The following MYZAP variants were observed in gnomAD, a reference collection of about 807,000 sequenced individuals.
MYZAP encodes GRINL1A complex locus upstream.
In MYZAP, 66 loss-of-function variants were observed where a neutral mutation model predicts 69.4. The observed-to-expected ratio is 0.95, with a 90% CI of 0.78 to 1.17. MYZAP has a LOEUF of 1.17. Ranked by LOEUF, MYZAP falls within the 50% of genes most tolerant of loss-of-function variation. MYZAP has a pLI of 0.00. For missense variants in MYZAP, 611 were observed against 556.2 expected (o/e 1.10, Z -0.99); for synonymous variants, 256 against 205.9 (o/e 1.24, Z -2.09).
intron 10 of MYZAP, among the ~76,000 whole-genome samples, chr15:57,642,075 C>T (rs1235570505): frequency 1.3e-5 from 2 of 152,182 alleles, no homozygotes; most frequent in African/African-American, 4.8e-5. Flanking sequence ...ACAAAGAAAA[C>T]ATTTCTAATA....
Position 57,640,772 on chromosome 15 carries a change from A to G in MYZAP, c.1119+1227A>G, listed in dbSNP as rs140580427. On this transcript the variant is annotated intron_variant, in intron 10 of 12. Coordinates refer to ENST00000267853, the MANE Select transcript of MYZAP (RefSeq NM_001018100.5). Reference sequence around the variant, plus strand: ...AAGTGCAGTTATACTGTGTTGAATCATGTACATCTTATATTGGTTCACACA... The same window carrying G: ...AAGTGCAGTTATACTGTGTTGAATCGTGTACATCTTATATTGGTTCACACA... 3.9e-4 allele frequency among the ~76,000 whole-genome samples: 60 copies of G among 152,324 alleles called. 3 individuals carry two copies. In the East Asian group the frequency reaches 6.7e-3, roughly 17 times the overall value.
chr15:57,632,316 C>T (rs2036552425), intron 6 of MYZAP, 118 bp from the exon 7 acceptor site: 4 of 1,509,402 alleles, frequency 2.7e-6, no homozygotes, highest in Non-Finnish European at 3.6e-6. Flanking sequence ...CTCTCTGCTG[C>T]AGAACCCAGT....
intron 2 of MYZAP, among the ~76,000 whole-genome samples, chr15:57,604,654 G>A (rs2034632192): frequency 6.6e-6 from 1 of 152,208 alleles, no homozygotes; most frequent in Non-Finnish European, 1.5e-5. Context: ...GGGAACGTGG[G>A]TTTTCCTGAA....
At chr15:57,637,029 C>T (rs1165144449) in intron 8 of MYZAP, among the ~76,000 whole-genome samples, 2 of 152,220 alleles carry the variant, frequency 1.3e-5, no homozygotes, top group Non-Finnish European at 2.9e-5. Context: ...CCCCCTCCTG[C>T]AGCTTCAGAG....
chr15:57,596,010 T>C (rs1230317537), intron 1 of MYZAP, among the ~76,000 whole-genome samples: 1 of 152,184 alleles, frequency 6.6e-6, no homozygotes, highest in Non-Finnish European at 1.5e-5. Context: ...TCAAAAATGA[T>C]GGTTGTAGGC....
Position 57,652,705 on chromosome 15 carries a change from A to C in MYZAP, c.1120-8745A>C, listed in dbSNP as rs549455659. 2.6e-5 allele frequency among the ~76,000 whole-genome samples: 4 copies of C among 152,310 alleles called. No individual in the cohort carries two copies. The South Asian group carries it at 8.3e-4, about 32-fold the overall frequency. On this transcript the variant is annotated intron_variant, in intron 10 of 12. Coordinates refer to ENST00000267853, the MANE Select transcript of MYZAP (RefSeq NM_001018100.5). ...GACACAGCACTGTCAGGAAAAGAGCAGGCAGAGGGAGACGACGGCTGAAGC... is the reference window on the plus strand; with the variant it reads ...GACACAGCACTGTCAGGAAAAGAGCCGGCAGAGGGAGACGACGGCTGAAGC...
chr15:57,599,793 C>T (rs1336467322), intron 1 of MYZAP: 11 of 997,988 alleles, frequency 1.1e-5, no homozygotes, highest in African/African-American at 8.3e-5. Context: ...AGACTGTACT[C>T]GGACAACTTT....
At chr15:57,668,215 C>T (rs1292341063) in intron 11 of MYZAP, among the ~76,000 whole-genome samples, 2 of 152,078 alleles carry the variant, frequency 1.3e-5, no homozygotes, top group South Asian at 2.1e-4. Context: ...GTTTCCAGCT[C>T]TGGGCTATTG....
At chr15:57,599,810 G>T in intron 1 of MYZAP, 2 of 778,930 alleles carry the variant, frequency 2.6e-6, no homozygotes, top group Admixed American at 2.3e-5. Context: ...CTTTATGGGT[G>T]GTTCAGGGGT....
rs539136176 is a variant in MYZAP at position 57,608,045 on chromosome 15, C to G, written c.162+3690C>G. 5.9e-5 allele frequency among the ~76,000 whole-genome samples: 9 copies of G among 152,362 alleles called. No homozygotes were observed. In the East Asian group the frequency reaches 7.7e-4, roughly 13 times the overall value. On this transcript the variant is annotated intron_variant, in intron 2 of 12. Transcript: ENST00000267853. ...TTTGGTTCCTTTGAAGGGGCTTCTTCTGTGTGCAAAGGCCAGGGGATTGGA... is the reference window on the plus strand; with the variant it reads ...TTTGGTTCCTTTGAAGGGGCTTCTTGTGTGTGCAAAGGCCAGGGGATTGGA...
At chr15:57,638,901 A>C (rs2036969250) in intron 9 of MYZAP, among the ~76,000 whole-genome samples, 1 of 152,218 alleles carries the variant, frequency 6.6e-6, no homozygotes, top group African/African-American at 2.4e-5. Flanking sequence ...CAATATGTTA[A>C]TAACCCCAAA....
intron 1 of MYZAP, among the ~76,000 whole-genome samples, chr15:57,592,584 C>A (rs551416830): frequency 2.0e-5 from 3 of 152,156 alleles, no homozygotes; most frequent in Non-Finnish European, 4.4e-5. Flanking sequence ...GTGGGCAAAC[C>A]AGAACAGCAG....
At chr15:57,667,504 A>G (rs1216283229) in intron 11 of MYZAP, among the ~76,000 whole-genome samples, 1 of 152,178 alleles carries the variant, frequency 6.6e-6, no homozygotes, top group Non-Finnish European at 1.5e-5. Context: ...CCCAGAAGCA[A>G]TCTTTTTTGT....
intron 2 of MYZAP, among the ~76,000 whole-genome samples, chr15:57,612,035 A>G (rs1299083372): frequency 6.6e-6 from 1 of 152,222 alleles, no homozygotes; most frequent in East Asian, 1.9e-4. Context: ...AAGTATGAGT[A>G]ATGACCTGGG....
At chr15:57,594,163 T>C (rs1006577999) in intron 1 of MYZAP, among the ~76,000 whole-genome samples, 47 of 152,238 alleles carry the variant, frequency 3.1e-4, no homozygotes, top group African/African-American at 1.1e-3. Flanking sequence ...TCATCCAGGC[T>C]GGAGTGCCAT....
At chr15:57,671,513 A>G (rs1255129017) in intron 11 of MYZAP, among the ~76,000 whole-genome samples, 2 of 152,144 alleles carry the variant, frequency 1.3e-5, no homozygotes, top group African/African-American at 4.8e-5. Flanking sequence ...TTGACTAAAA[A>G]ACCCGTATGT....
intron 1 of MYZAP, among the ~76,000 whole-genome samples, chr15:57,595,207 C>G (rs1026771261): frequency 1.3e-5 from 2 of 152,084 alleles, no homozygotes; most frequent in East Asian, 3.9e-4. Flanking sequence ...AAAAAACCAA[C>G]AGGTGGAGAG....
At chr15:57,604,914 A>G (rs973798438) in intron 2 of MYZAP, among the ~76,000 whole-genome samples, 1 of 152,104 alleles carries the variant, frequency 6.6e-6, no homozygotes, top group Non-Finnish European at 1.5e-5. Flanking sequence ...CCTTGGGGGA[A>G]TTTGCAGTTT....
intron 8 of MYZAP, 138 bp from the exon 9 acceptor site, chr15:57,637,557 T>G: frequency 5.1e-6 from 4 of 786,302 alleles, no homozygotes; most frequent in Non-Finnish European, 8.1e-6. Context: ...GAGCCTTGTT[T>G]GGGCTTTGCT....
Sources: allele counts gnomAD v4.1 joint callset (sites outside exome capture counted in the v4.1 genomes callset), GRCh38; gene constraint gnomAD v4.1.1; transcripts MANE v1.5; gene names NCBI Gene and HGNC (gene_info 2026-07-23, HGNC 2026-07-21).